NBPF12: variants seen among roughly 807,000 people sequenced by gnomAD.
The protein encoded by NBPF12 is NBPF family member NBPF12.
Under a neutral mutation model 146.4 loss-of-function variants are expected in NBPF12, and 115 were observed. That is an observed-to-expected ratio of 0.79 (90% confidence interval 0.68 to 0.92). NBPF12 has a LOEUF of 0.92. Among genes scored for constraint, NBPF12 ranks in the 40% least tolerant of loss-of-function variants. The pLI, the probability that NBPF12 is intolerant of heterozygous loss-of-function variation, is 0.00. For synonymous variants in NBPF12, 385 were observed against 508.9 expected (o/e 0.76, Z 3.28); for missense variants, 1,205 against 1,326.8 (o/e 0.91, Z 1.43).
intron 13 of NBPF12, 21 bp from the exon 17 acceptor site, chr1:146,972,730 G>A: frequency 2.2e-6 from 3 of 1,364,680 alleles, no homozygotes; most frequent in Non-Finnish European, 3.1e-6. Context: ...CCCATCATGT[G>A]TTTGCCTTTC....
intron 14 of NBPF12, 102 bp from the exon 18 acceptor site, chr1:146,974,635 GGA>G (rs1656870251): frequency 2.1e-6 from 1 of 476,220 alleles, no homozygotes; most frequent in Non-Finnish European, 3.4e-6. Flanking sequence ...CTGGTACTGT[GGA>G]GAGTTTTGTC....
At chr1:146,942,711 C>T (rs1193438602) in intron 1 of NBPF12, among the ~76,000 whole-genome samples, 1 of 144,834 alleles carries the variant, frequency 6.9e-6, no homozygotes, top group Non-Finnish European at 1.5e-5. Context: ...TTTGTTACTG[C>T]AGCATAACCT....
chr1:146,971,125 G>T (rs1553886348), intron 12 of NBPF12, 58 bp from the exon 16 acceptor site: 90 of 1,608,074 alleles, frequency 5.6e-5, no homozygotes, highest in Non-Finnish European at 6.9e-5. Flanking sequence ...AGGACTCCTT[G>T]GGGTCCAATC....
At position 146,958,013 on chromosome 1, in the gene NBPF12, A is replaced by G. The variant is rs1250279573; in HGVS notation, c.-183-1846A>G. Among the ~76,000 whole-genome samples the G allele has an allele frequency of 3.3e-5, 4 of 121,222 alleles. 1 individual carries two copies. The highest frequency in any genetic ancestry group is 9.2e-5 in the Admixed American group (1 of 10,926). The allele number at this position is 121,222 out of a possible 152,430, so 79.5% of individuals were successfully genotyped here. The stretch of plus-strand genomic sequence containing the variant: ...TATATATATATATACATGTGTATAT[A>G]TAAATAATACATATACACGTGTATA... On this transcript the variant is annotated intron_variant, in intron 2 of 33. Transcript: ENST00000617844.
rs1553886353 is a variant in NBPF12, at chr1:146,971,196, G to T, written c.1393G>T (p.Ala465Ser). 695 of 1,611,458 alleles carry T rather than the reference G, an allele frequency of 4.3e-4. 8 individuals are homozygous for T. The highest frequency in any genetic ancestry group is 2.5e-3 in the Middle Eastern group (13 of 5,280). Residue 465 changes from alanine to serine, a missense_variant, in exon 13 of 34, where the codon GCT (alanine) becomes TCT (serine). Transcript: ENST00000617844. ...CTGGCTCATCAGGGAGATGCAGAAG[G>T]CTGAAGAAAGCAAAGTCCCTGAGGA...
At chr1:146,956,079 G>T (rs1297280552) in intron 2 of NBPF12, among the ~76,000 whole-genome samples, 2 of 151,650 alleles carry the variant, frequency 1.3e-5, no homozygotes, top group African/African-American at 4.9e-5. Flanking sequence ...GGCCTGCTAC[G>T]TATGGATGCT....
chr1:146,980,703 A>T (rs1260328723), intron 19 of NBPF12, among the ~76,000 whole-genome samples: 1 of 151,546 alleles, frequency 6.6e-6, no homozygotes, highest in Non-Finnish European at 1.5e-5. Flanking sequence ...TAGTTCAACG[A>T]TTGTGGAAGG....
chr1:146,967,612 C>T (rs1182136202), intron 9 of NBPF12, among the ~76,000 whole-genome samples: 28 of 150,526 alleles, frequency 1.9e-4, no homozygotes, highest in Admixed American at 7.9e-4. Flanking sequence ...GAAGAAAGAT[C>T]GCACCCGAGA....
chr1:146,958,162 G>T (rs1448025608), intron 2 of NBPF12, among the ~76,000 whole-genome samples: 1 of 115,706 alleles, frequency 8.6e-6, no homozygotes, highest in Non-Finnish European at 1.9e-5. Context: ...ACAGGCCCTG[G>T]TGTGTGATGT....
chr1:146,960,524 G>T (rs1311618505), intron 4 of NBPF12, among the ~76,000 whole-genome samples: 1 of 151,686 alleles, frequency 6.6e-6, no homozygotes, highest in Non-Finnish European at 1.5e-5. Context: ...GTCAGATGGG[G>T]GTGGGACTAG....
At chr1:146,982,088 G>A (rs1409395267) in intron 19 of NBPF12, among the ~76,000 whole-genome samples, 56 of 149,076 alleles carry the variant, frequency 3.8e-4, no homozygotes, top group South Asian at 1.1e-3. Context: ...ATCCTGCTTT[G>A]TTCCATTGCT....
exon 13 of NBPF12, chr1:146,971,306 A>G: frequency 6.2e-7 from 1 of 1,612,252 alleles, no homozygotes. Flanking sequence ...TCAAAATCAC[A>G]TTTGAGGAAG....
chr1:146,967,503 AAAT>A (rs1345275463), intron 9 of NBPF12, among the ~76,000 whole-genome samples: 742 of 148,860 alleles, frequency 5.0e-3, no homozygotes, highest in African/African-American at 0.018. Flanking sequence ...TGTTAAAAAA[AAAT>A]AATAATGATA....
chr1:146,939,539 A>T (rs1654699279), intron 1 of NBPF12, among the ~76,000 whole-genome samples: 2 of 151,788 alleles, frequency 1.3e-5, no homozygotes, highest in Non-Finnish European at 2.9e-5. Flanking sequence ...TAACCACAGG[A>T]TTTCTGGTAG....
chr1:146,949,464 CGATT>C (rs1264068905), intron 1 of NBPF12, 42 bp downstream of exon 4: 1 of 127,914 alleles, frequency 7.8e-6, no homozygotes, highest in African/African-American at 3.1e-5. Context: ...ATTGATTGGT[CGATT>C]GATTGATTTT....
At chr1:146,973,488 C>T (rs1206024522) in intron 14 of NBPF12, among the ~76,000 whole-genome samples, 10,566 of 76,156 alleles carry the variant, frequency 0.14, no homozygotes, top group Admixed American at 0.18. Flanking sequence ...TAAGTGACAG[C>T]ATCAAGAGCA....
At chr1:146,943,732 A>G (rs879048934) in intron 2 of NBPF12, among the ~76,000 whole-genome samples, 170 bp downstream of exon 2, 6 of 151,926 alleles carry the variant, frequency 3.9e-5, no homozygotes, top group Admixed American at 6.6e-5. Context: ...TATTCACAGC[A>G]TGTGCCACCC....
intron 10 of NBPF12, 68 bp downstream of exon 13, chr1:146,968,618 G>C (rs1340029460): frequency 5.5e-5 from 81 of 1,467,034 alleles, no homozygotes; most frequent in Non-Finnish European, 7.2e-5. Context: ...ACAGCTCGGT[G>C]GGGAGACTTA....
chr1:146,946,500 C>G (rs1655074259), upstream of NBPF12, among the ~76,000 whole-genome samples: 2 of 112,188 alleles, frequency 1.8e-5, no homozygotes, highest in East Asian at 3.2e-4. Context: ...ATGAGGTGTT[C>G]AGATCTTTCA....
Sources: gnomAD v4.1 joint callset for allele counts (sites outside exome capture counted in the v4.1 genomes callset) on GRCh38, gnomAD v4.1.1 for gene constraint, MANE v1.5 for transcripts, NCBI Gene and HGNC (gene_info 2026-07-23, HGNC 2026-07-21) for gene names.